The following ITGA9 variants were observed in gnomAD, a reference collection of about 807,000 sequenced individuals.
ITGA9 encodes integrin alpha-9.
Under a neutral mutation model 127.8 loss-of-function variants are expected in ITGA9, and 56 were observed. The observed-to-expected ratio is 0.44, with a 90% CI of 0.35 to 0.55. The LOEUF (loss-of-function observed/expected upper bound fraction) is 0.55, where lower values mean the gene tolerates loss of function less well. Among genes scored for constraint, ITGA9 ranks in the 20% least tolerant of loss-of-function variants. The pLI is 0.00. For synonymous variants in ITGA9, 508 were observed against 514.5 expected (o/e 0.99, Z 0.17); for missense variants, 1,196 against 1,347.1 (o/e 0.89, Z 1.76).
intron 23 of ITGA9, among the ~76,000 whole-genome samples, chr3:37,759,079 A>C (rs1053709202): frequency 1.3e-4 from 17 of 128,666 alleles, no homozygotes; most frequent in Non-Finnish European, 2.4e-4. Flanking sequence ...ATATATACCC[A>C]CACACACACA....
At chr3:37,638,451 G>GA (rs35047739) in intron 16 of ITGA9, among the ~76,000 whole-genome samples, 38,454 of 127,456 alleles carry the variant, frequency 0.3, 5,425 homozygotes, top group East Asian at 0.36. Context: ...TGATTATGGG[G>GA]AAAAAAAAAA....
Position 37,819,145 on chromosome 3 carries a change from G to C in ITGA9, c.*156G>C, listed in dbSNP as rs1163378642. On this transcript the variant is annotated 3_prime_UTR_variant, in exon 28 of 28. Coordinates refer to ENST00000264741, the MANE Select transcript of ITGA9 (RefSeq NM_002207.3). Reference sequence around the variant, plus strand: ...TATCAAGCCCAGGTGCCAGCCTGAGGCAGCCACTTCGGCCAGGTCACACGA... The same window carrying C: ...TATCAAGCCCAGGTGCCAGCCTGAGCCAGCCACTTCGGCCAGGTCACACGA... 1 of 689,150 alleles carries C rather than the reference G, an allele frequency of 1.5e-6. No homozygotes were observed. 42.7% of individuals were successfully genotyped at this position (689,150 alleles called of 1,614,324 possible).
rs1700215061 is a variant in ITGA9, at chr3:37,629,948, G to A, written c.1839+612G>A. On this transcript the variant is annotated intron_variant, in intron 16 of 27. Transcript: ENST00000264741. The surrounding 1 kb of genome is among the most constrained non-coding windows in gnomAD (Gnocchi z 4.5). ...GCGCTGGCCAGCTCTGAGGCGTGCA[G>A]CACTGAGTGCGGTGCAGGAATATGC... Among the ~76,000 whole-genome samples, 1 of 152,214 alleles carries A rather than the reference G, an allele frequency of 6.6e-6. No individual in the cohort carries two copies. Among genetic ancestry groups the A allele is most frequent in the Admixed American group, 6.5e-5 (1 of 15,282 alleles).
intron 18 of ITGA9, among the ~76,000 whole-genome samples, chr3:37,684,297 G>C (rs773847774): frequency 4.7e-4 from 72 of 152,190 alleles, no homozygotes; most frequent in Middle Eastern, 3.4e-3. Flanking sequence ...TTTACATCTG[G>C]CCCCTTCTTG....
At chr3:37,767,911 C>A (rs6550508) in intron 23 of ITGA9, among the ~76,000 whole-genome samples, 1 of 152,030 alleles carries the variant, frequency 6.6e-6, no homozygotes, top group East Asian at 1.9e-4. Context: ...ATGAAATTAG[C>A]CATGTTCATA....
At chr3:37,637,741 C>G (rs908504147) in intron 16 of ITGA9, among the ~76,000 whole-genome samples, 2 of 152,172 alleles carry the variant, frequency 1.3e-5, no homozygotes, top group African/African-American at 2.4e-5. Context: ...GACAGGAACT[C>G]GGCCCACTGT....
intron 15 of ITGA9, among the ~76,000 whole-genome samples, chr3:37,562,102 A>C (rs1699496678): frequency 1.3e-5 from 2 of 152,094 alleles, no homozygotes; most frequent in African/African-American, 4.8e-5. Context: ...CGAATGGGGC[A>C]CTCGGGGCCG....
chr3:37,576,749 G>A lies in ITGA9; in HGVS notation c.1689+34164G>A, dbSNP rs186580654. Reference sequence around the variant, plus strand: ...CTCCCGAGTACCTGGGACTACAGGCGCACCACCACCATGCCTGCCTAATTT... The same window carrying A: ...CTCCCGAGTACCTGGGACTACAGGCACACCACCACCATGCCTGCCTAATTT... On this transcript the variant is annotated intron_variant, in intron 15 of 27. Coordinates refer to ENST00000264741, the MANE Select transcript of ITGA9 (RefSeq NM_002207.3). Among the ~76,000 whole-genome samples, 119 of 152,270 alleles carry A rather than the reference G, an allele frequency of 7.8e-4. 1 individual carries two copies. In the South Asian group the frequency reaches 0.022, roughly 28 times the overall value.
chr3:37,586,942 T>C (rs1291441920), intron 15 of ITGA9, among the ~76,000 whole-genome samples: 2 of 152,220 alleles, frequency 1.3e-5, no homozygotes, highest in Non-Finnish European at 2.9e-5. Flanking sequence ...TCTATGACAC[T>C]GTTGAATGAA....
chr3:37,697,994 C>A (rs1559570969), intron 18 of ITGA9, among the ~76,000 whole-genome samples: 1 of 152,206 alleles, frequency 6.6e-6, no homozygotes, highest in Non-Finnish European at 1.5e-5. Flanking sequence ...TCTCCAGCAT[C>A]TGTGGTTTCC....
intron 15 of ITGA9, among the ~76,000 whole-genome samples, chr3:37,582,845 C>A (rs182074782): frequency 7.2e-5 from 11 of 152,316 alleles, no homozygotes; most frequent in African/African-American, 2.6e-4. Flanking sequence ...CCACTTCTGG[C>A]CTAAGCAATC....
intron 27 of ITGA9, chr3:37,808,046 A>T (rs900926860): frequency 6.6e-6 from 1 of 152,206 alleles, no homozygotes; most frequent in African/African-American, 2.4e-5. Context: ...GCCCCCACCC[A>T]GCAGAAGGAA....
intron 18 of ITGA9, 110 bp from the exon 19 acceptor site, chr3:37,732,602 G>T: frequency 1.2e-6 from 1 of 807,172 alleles, no homozygotes; most frequent in Admixed American, 2.0e-5. Context: ...CGTCCCACTG[G>T]TGCCTACCGT....
At chr3:37,732,173 C>T (rs567355579) in intron 18 of ITGA9, among the ~76,000 whole-genome samples, 5 of 152,190 alleles carry the variant, frequency 3.3e-5, no homozygotes, top group Non-Finnish European at 5.9e-5. Flanking sequence ...CCAGCCTAAG[C>T]TGGCTACACT....
chr3:37,738,985 C>G (rs1696400107), intron 20 of ITGA9, among the ~76,000 whole-genome samples: 1 of 152,116 alleles, frequency 6.6e-6, no homozygotes, highest in Admixed American at 6.5e-5. Context: ...CTGATCTATC[C>G]CCAGAGACCC....
intron 13 of ITGA9, among the ~76,000 whole-genome samples, chr3:37,527,700 C>T (rs969691738): frequency 1.3e-5 from 2 of 152,180 alleles, no homozygotes; most frequent in African/African-American, 4.8e-5. Flanking sequence ...CTTCATTATC[C>T]TGAGCATCTT....
chr3:37,785,903 C>T (rs1056841995), intron 26 of ITGA9, among the ~76,000 whole-genome samples: 8 of 152,088 alleles, frequency 5.3e-5, no homozygotes, highest in Non-Finnish European at 1.2e-4. Context: ...CTCAGAGACA[C>T]GGGAGGGTGT....
rs1701122465 is a variant in ITGA9, at chr3:37,715,282, A to AT, written c.2068-17429dup. Among the ~76,000 whole-genome samples, 10 of 152,306 alleles carry AT rather than the reference A, an allele frequency of 6.6e-5. No individual in the cohort carries two copies. In the South Asian group the frequency reaches 2.1e-3, roughly 32 times the overall value. On this transcript the variant is annotated intron_variant, in intron 18 of 27. Transcript: ENST00000264741. ...GTGGCAGCCACCAGAGTAACTCATT[A>AT]TATCATTCCAGCAACGCTGTGGGTT... is the stretch of plus-strand genomic sequence containing the variant.
intron 15 of ITGA9, among the ~76,000 whole-genome samples, chr3:37,601,267 A>G (rs1699920051): frequency 6.6e-6 from 1 of 152,242 alleles, no homozygotes; most frequent in Admixed American, 6.5e-5. Flanking sequence ...TTTGCTGAAC[A>G]GAACAGCTCT....
Sources: gnomAD v4.1 joint callset for allele counts (sites outside exome capture counted in the v4.1 genomes callset) on GRCh38, gnomAD v4.1.1 for gene constraint, Gnocchi (gnomAD v3.1) non-coding constraint, MANE v1.5 for transcripts, NCBI Gene and HGNC (gene_info 2026-07-23, HGNC 2026-07-21) for gene names.